The following PLCG2 variants were observed in gnomAD, a reference collection of about 807,000 sequenced individuals.
The protein encoded by PLCG2 is 1-phosphatidylinositol 4,5-bisphosphate phosphodiesterase gamma-2.
Under a neutral mutation model 175.6 loss-of-function variants are expected in PLCG2, and 69 were observed. The ratio of observed to expected loss-of-function variants is 0.39; its 90% confidence interval spans 0.32 to 0.48. PLCG2 has a LOEUF of 0.48. Ranked by LOEUF, PLCG2 falls within the 20% of genes least tolerant of loss-of-function variation. The probability of loss-of-function intolerance (pLI) is 0.91; values close to 1 mark genes in which losing one functional copy is unlikely to be tolerated. For synonymous variants in PLCG2, 827 were observed against 624.0 expected (o/e 1.33, Z -4.85); for missense variants, 1,798 against 1,650.9 (o/e 1.09, Z -1.54).
At chr16:81,810,394 T>C (rs561882615) in intron 2 of PLCG2, among the ~76,000 whole-genome samples, 16 of 152,368 alleles carry the variant, frequency 1.1e-4, no homozygotes, top group African/African-American at 3.8e-4. Context: ...TGGCCTTCGT[T>C]ATTTGCAGCA....
At chr16:81,786,238 C>T in intron 2 of PLCG2, 56 bp downstream of exon 2, 2 of 1,348,524 alleles carry the variant, frequency 1.5e-6, no homozygotes, top group South Asian at 1.2e-5. Context: ...CTGGCCTGAG[C>T]ACCTGTCCAC....
intron 25 of PLCG2, among the ~76,000 whole-genome samples, chr16:81,933,060 T>C (rs890132358): frequency 2.6e-5 from 4 of 152,234 alleles, no homozygotes; most frequent in Admixed American, 1.3e-4. Context: ...TAGAAGGCTC[T>C]GTCTCTCCCC....
At chr16:81,756,923 C>T (rs567873705) in intron 2 of PLCG2, among the ~76,000 whole-genome samples, 19 of 152,280 alleles carry the variant, frequency 1.2e-4, no homozygotes, top group African/African-American at 2.4e-4. Flanking sequence ...CGCGCCTCTA[C>T]GCCTGTTTTT....
intron 9 of PLCG2, among the ~76,000 whole-genome samples, chr16:81,886,307 G>C (rs1908364466): frequency 2.0e-5 from 3 of 152,208 alleles, no homozygotes; most frequent in African/African-American, 7.2e-5. Flanking sequence ...TCTGCATCTG[G>C]GGAGTTAGGA....
chr16:81,939,520 A>G (rs191672786), intron 29 of PLCG2, among the ~76,000 whole-genome samples: 5 of 152,296 alleles, frequency 3.3e-5, no homozygotes, highest in Middle Eastern at 3.4e-3. Context: ...CTCCCCTGCC[A>G]GCTGTAGAAC....
chr16:81,850,851 A>T (rs1404545525), intron 2 of PLCG2, among the ~76,000 whole-genome samples: 1 of 152,184 alleles, frequency 6.6e-6, no homozygotes, highest in Non-Finnish European at 1.5e-5. Context: ...CATTCTTCAG[A>T]TCTCCTGCAC....
At chr16:81,946,665 A>G (rs1393685391) in intron 31 of PLCG2, among the ~76,000 whole-genome samples, 1 of 152,196 alleles carries the variant, frequency 6.6e-6, no homozygotes, top group Admixed American at 6.5e-5. Context: ...TAGAATGACC[A>G]TAAATTAATC....
At chr16:81,846,203 C>G (rs1172596987) in intron 2 of PLCG2, among the ~76,000 whole-genome samples, 6 of 149,674 alleles carry the variant, frequency 4.0e-5, no homozygotes, top group South Asian at 2.1e-4. Flanking sequence ...TGGCTGTAAG[C>G]CAAGCCAATG....
chr16:81,928,969 A>T (rs12445489), intron 24 of PLCG2: 3 of 252,778 alleles, frequency 1.2e-5, no homozygotes, highest in Non-Finnish European at 2.3e-5. Flanking sequence ...GCTGAAATGC[A>T]GCGTGGAGTT....
At chr16:81,744,363 C>G (rs1232196016) in intron 1 of PLCG2, among the ~76,000 whole-genome samples, 1 of 151,866 alleles carries the variant, frequency 6.6e-6, no homozygotes, top group Non-Finnish European at 1.5e-5. Context: ...CGGGGTTTCA[C>G]CATATTAGCC....
intron 2 of PLCG2, among the ~76,000 whole-genome samples, chr16:81,793,428 C>T (rs185837323): frequency 2.2e-4 from 33 of 152,226 alleles, no homozygotes; most frequent in East Asian, 7.7e-4. Context: ...TCTCAGGAGC[C>T]GATGTGGTGC....
chr16:81,944,870 T>A (rs1911089839), intron 30 of PLCG2, among the ~76,000 whole-genome samples: 1 of 152,176 alleles, frequency 6.6e-6, no homozygotes, highest in South Asian at 2.1e-4. Flanking sequence ...AAGGGCCAAC[T>A]GTAGAGTAAA....
chr16:81,788,607 C>T (rs1223479725), intron 2 of PLCG2, among the ~76,000 whole-genome samples: 1 of 152,146 alleles, frequency 6.6e-6, no homozygotes, highest in African/African-American at 2.4e-5. Flanking sequence ...TTGCCTGAAC[C>T]CTCATCTATG....
In PLCG2 at chr16:81,900,771, C is replaced by G; in HGVS notation, c.1353C>G (p.Ile451Met). The G allele has an allele frequency of 6.3e-7, 1 of 1,599,466 alleles. No homozygotes were observed. The highest frequency in any genetic ancestry group is 1.1e-5 in the South Asian group (1 of 90,740). The change falls in exon 14 of 33, where the codon ATC (isoleucine) becomes ATG (methionine). Residue 451 changes from isoleucine to methionine, a missense_variant. Coordinates refer to ENST00000564138, the MANE Select transcript of PLCG2 (RefSeq NM_002661.5). ...LPSPSQLREK[I>M]IIKHKKLGPR... Reference sequence around the variant, plus strand: ...CGCCCAGCCAGCTGCGGGAGAAGATCATCATCAAGGTAGGCACCCCGGGTG... The same window carrying G: ...CGCCCAGCCAGCTGCGGGAGAAGATGATCATCAAGGTAGGCACCCCGGGTG...
rs970985218 is a variant in PLCG2, at chr16:81,928,558, A to G, written c.2515A>G (p.Ile839Val). ...TADFEELEKQ[I>V]IEDNPLGSLC... ...TGAGTTATGTCTTGTTTCTTCACAG[A>G]TTATTGAAGACAATCCCTTAGGGTC... The change falls in exon 24 of 33, where the codon ATT (isoleucine) becomes GTT (valine). Residue 839 changes from isoleucine (I) to valine (V), a missense_variant and splice_region_variant. By Grantham distance (29) the Ile-to-Val change is conservative. Transcript: ENST00000564138. The G allele has an allele frequency of 6.3e-7, 1 of 1,596,668 alleles. No homozygotes were observed. The highest frequency in any genetic ancestry group is 8.6e-7 in the Non-Finnish European group (1 of 1,164,066).
intron 30 of PLCG2, 147 bp downstream of exon 30, chr16:81,940,206 A>C (rs940764038): frequency 5.2e-5 from 35 of 671,978 alleles, no homozygotes; most frequent in Admixed American, 2.6e-4. Flanking sequence ...GAGCAGGTGT[A>C]CAGCCTGTCG....
In PLCG2 at chr16:81,959,351, A is replaced by T. The variant is rs765513957; in HGVS notation, c.*1353A>T. 2.3e-5 allele frequency: 5 copies of T among 221,646 alleles called. No homozygotes were observed. The highest frequency in any genetic ancestry group is 3.6e-5 in the Non-Finnish European group (4 of 110,792). The allele number at this position is 221,646 out of a possible 1,614,324, so 13.7% of individuals were successfully genotyped here. Reference sequence around the variant, plus strand: ...TACTGCTGAAAAGCAGGGCAGAACAAATCAGGCTCTGACCAGAAGATCCTT... The same window carrying T: ...TACTGCTGAAAAGCAGGGCAGAACATATCAGGCTCTGACCAGAAGATCCTT... On this transcript the variant is annotated 3_prime_UTR_variant, in exon 33 of 33. Coordinates refer to ENST00000564138, the MANE Select transcript of PLCG2 (RefSeq NM_002661.5).
chr16:81,892,254 G>T (rs573504204), intron 11 of PLCG2, among the ~76,000 whole-genome samples: 2 of 152,234 alleles, frequency 1.3e-5, no homozygotes, highest in South Asian at 2.1e-4. Flanking sequence ...GTAGGTCACC[G>T]TGAGAGCTGT....
chr16:81,754,120 A>C (rs551816869), intron 1 of PLCG2, among the ~76,000 whole-genome samples: 141 of 152,038 alleles, frequency 9.3e-4, no homozygotes, highest in African/African-American at 3.2e-3. Flanking sequence ...TGACCCAGTG[A>C]CACAGGTTCT....
Sources: gnomAD v4.1 joint callset for allele counts (sites outside exome capture counted in the v4.1 genomes callset) on GRCh38, gnomAD v4.1.1 for gene constraint, MANE v1.5 for transcripts, NCBI Gene and HGNC (gene_info 2026-07-23, HGNC 2026-07-21) for gene names.